The following KSR2 variants were observed in gnomAD, a reference collection of about 807,000 sequenced individuals.
KSR2 encodes the protein kinase suppressor of ras 2.
A neutral mutation model predicts 107.8 loss-of-function variants in KSR2; 25 were observed. The ratio of observed to expected loss-of-function variants is 0.23; its 90% CI spans 0.17 to 0.32. The LOEUF is 0.32. KSR2 is among the 10% of genes least tolerant of loss of function. KSR2 has a pLI of 1.00. For missense variants in KSR2, 887 were observed against 1,268.9 expected (o/e 0.70, Z 4.57); for synonymous variants, 480 against 507.0 (o/e 0.95, Z 0.71).
intron 5 of KSR2, among the ~76,000 whole-genome samples, chr12:117,627,428 C>T (rs1416497439): frequency 1.3e-5 from 2 of 152,024 alleles, no homozygotes; most frequent in African/African-American, 2.4e-5. Flanking sequence ...TTTACTTGTC[C>T]GTAAAGGATT....
At chr12:117,719,503 C>T (rs1053863017) in intron 4 of KSR2, among the ~76,000 whole-genome samples, 4 of 152,186 alleles carry the variant, frequency 2.6e-5, no homozygotes, top group African/African-American at 4.8e-5. Context: ...GCCAACAATT[C>T]AGGTCTTGCA....
intron 1 of KSR2, among the ~76,000 whole-genome samples, chr12:117,861,500 T>C (rs1438178725): frequency 6.8e-6 from 1 of 147,022 alleles, no homozygotes; most frequent in East Asian, 2.1e-4. Flanking sequence ...GCCATTCTCC[T>C]GCCTCAGCCT....
chr12:117,911,699 A>G (rs1265257043), intron 1 of KSR2, among the ~76,000 whole-genome samples: 1 of 152,170 alleles, frequency 6.6e-6, no homozygotes, highest in African/African-American at 2.4e-5. Context: ...GGCAAGACCC[A>G]TATCTCTTCC....
At chr12:117,706,522 A>T (rs183135976) in intron 4 of KSR2, among the ~76,000 whole-genome samples, 131 of 152,060 alleles carry the variant, frequency 8.6e-4, no homozygotes, top group Admixed American at 2.4e-3. Flanking sequence ...TGCTTGGGTA[A>T]CAGATATAAA....
chr12:117,474,263 T>C (rs940506738), intron 17 of KSR2, among the ~76,000 whole-genome samples: 2 of 152,204 alleles, frequency 1.3e-5, no homozygotes, highest in Non-Finnish European at 2.9e-5. Context: ...TTGCTAAATT[T>C]ACACTAAACT....
chr12:117,539,951 G>A (rs1469739089), intron 9 of KSR2, 64 bp from the exon 10 acceptor site: 1 of 1,447,710 alleles, frequency 6.9e-7, no homozygotes, highest in African/African-American at 1.4e-5. Context: ...AGCAGAAAGA[G>A]TGGGCTGAGC....
chr12:117,736,257 C>T (rs942821368), intron 4 of KSR2, among the ~76,000 whole-genome samples: 2 of 152,200 alleles, frequency 1.3e-5, no homozygotes, highest in East Asian at 3.8e-4. Context: ...AAATGAAACA[C>T]TCCCTTGCCT....
chr12:117,817,352 CTCTT>C (rs773953396), intron 3 of KSR2, among the ~76,000 whole-genome samples: 11 of 152,106 alleles, frequency 7.2e-5, no homozygotes, highest in Non-Finnish European at 1.5e-4. Context: ...TGTTCTCTCT[CTCTT>C]TCTCTCTCTC....
At chr12:117,955,128 T>G (rs1340475334) in intron 1 of KSR2, among the ~76,000 whole-genome samples, 1 of 152,050 alleles carries the variant, frequency 6.6e-6, no homozygotes, top group Non-Finnish European at 1.5e-5. Context: ...TCATTTTATT[T>G]TATTTATTTT....
chr12:117,827,262 T>TTAAA (rs1198658343), intron 3 of KSR2, among the ~76,000 whole-genome samples: 1 of 152,154 alleles, frequency 6.6e-6, no homozygotes, highest in East Asian at 1.9e-4. Context: ...TTCTGAGACA[T>TTAAA]TAAACCAAAT....
intron 1 of KSR2, among the ~76,000 whole-genome samples, chr12:117,944,896 TA>T (rs1896129875): frequency 1.3e-5 from 2 of 151,526 alleles, no homozygotes; most frequent in Admixed American, 6.6e-5. Flanking sequence ...AGTTAAAACC[TA>T]AAAAAATAAA....
intron 14 of KSR2, among the ~76,000 whole-genome samples, chr12:117,494,009 G>T (rs1872885532): frequency 6.6e-6 from 1 of 152,142 alleles, no homozygotes; most frequent in South Asian, 2.1e-4. Flanking sequence ...CCAGTCTCCG[G>T]TAGGTCTTTG....
intron 1 of KSR2, among the ~76,000 whole-genome samples, chr12:117,921,193 T>A (rs144272345): frequency 3.0e-4 from 45 of 152,298 alleles, no homozygotes; most frequent in African/African-American, 1.1e-3. Context: ...TTAAAATAAC[T>A]GCATGAGCCA....
intron 14 of KSR2, among the ~76,000 whole-genome samples, chr12:117,510,140 T>A (rs761939803): frequency 6.6e-6 from 1 of 152,236 alleles, no homozygotes; most frequent in African/African-American, 2.4e-5. Flanking sequence ...GTATACTTGC[T>A]TTGACAACAG....
chr12:117,867,316 T>TAA (rs554719495), intron 1 of KSR2, among the ~76,000 whole-genome samples: 1 of 144,858 alleles, frequency 6.9e-6, no homozygotes, highest in Admixed American at 6.9e-5. Context: ...ACCTTGTATT[T>TAA]AAAAAAAAAA....
intron 3 of KSR2, among the ~76,000 whole-genome samples, chr12:117,840,749 T>C (rs1181507288): frequency 6.7e-6 from 1 of 149,504 alleles, no homozygotes; most frequent in Non-Finnish European, 1.5e-5. Flanking sequence ...ACGCCTATAA[T>C]CCCAACACTC....
intron 4 of KSR2, among the ~76,000 whole-genome samples, chr12:117,672,953 C>T (rs1884976106): frequency 6.6e-6 from 1 of 152,196 alleles, no homozygotes; most frequent in African/African-American, 2.4e-5. Context: ...TTCAATCCAC[C>T]ATGGCCCTTA....
chr12:117,470,755 A>T (rs1381053247), intron 18 of KSR2, among the ~76,000 whole-genome samples: 1 of 152,204 alleles, frequency 6.6e-6, no homozygotes, highest in Non-Finnish European at 1.5e-5. Context: ...TTTCAGAGGA[A>T]GATTGTTAAT....
In KSR2 at chr12:117,936,533, TTAGTAGTAGTAGTAG is replaced by T. The variant is rs60536021; in HGVS notation, c.180+31528_180+31542del. On this transcript the variant is annotated intron_variant, in intron 1 of 19. Transcript: ENST00000339824. ...TATTTTATTATTATTATTATTATTA[TTAGTAGTAGTAGTAG>T]TAGTAGTAGTAGTAGTAGTAGTAGT... Among the ~76,000 whole-genome samples the T allele has an allele frequency of 1.0e-4, 12 of 119,682 alleles. No individual in the cohort carries two copies. In the East Asian group the frequency reaches 1.1e-3, roughly 11 times the overall value. The allele number at this position is 119,682 out of a possible 152,430, so 78.5% of individuals were successfully genotyped here.
Sources: gnomAD v4.1 joint callset for allele counts (sites outside exome capture counted in the v4.1 genomes callset) on GRCh38, gnomAD v4.1.1 for gene constraint, MANE v1.5 for transcripts, NCBI Gene and HGNC (gene_info 2026-07-23, HGNC 2026-07-21) for gene names.